The following TRABD2B variants were observed in gnomAD, a reference collection of about 807,000 sequenced individuals.
The protein encoded by TRABD2B is TraB domain containing 2B.
TRABD2B carries 14 observed loss-of-function variants against 40.1 expected under a neutral mutation model. The ratio of observed to expected loss-of-function variants is 0.35; its 90% CI spans 0.23 to 0.55. The LOEUF (loss-of-function observed/expected upper bound fraction) is 0.55. Among genes scored for constraint, TRABD2B ranks in the 20% least tolerant of loss-of-function variants. The probability of loss-of-function intolerance (pLI) is 0.90; values close to 1 mark genes in which losing one functional copy is unlikely to be tolerated. For missense variants in TRABD2B, 541 were observed against 648.6 expected (o/e 0.83, Z 1.80); for synonymous variants, 263 against 277.0 (o/e 0.95, Z 0.50).
intron 2 of TRABD2B, among the ~76,000 whole-genome samples, chr1:47,886,705 T>C (rs749781090): frequency 1.3e-5 from 2 of 152,176 alleles, no homozygotes; most frequent in African/African-American, 2.4e-5. Flanking sequence ...AAATATTATG[T>C]TTACTCACTG....
intron 2 of TRABD2B, among the ~76,000 whole-genome samples, chr1:47,853,143 G>A (rs948963819): frequency 1.3e-5 from 2 of 152,168 alleles, no homozygotes; most frequent in Non-Finnish European, 2.9e-5. Flanking sequence ...CTTGGTTGAT[G>A]CTAGGGCCGA....
intron 2 of TRABD2B, among the ~76,000 whole-genome samples, chr1:47,867,640 T>A (rs1644079373): frequency 6.6e-6 from 1 of 151,966 alleles, no homozygotes; most frequent in African/African-American, 2.4e-5. Context: ...ACATTTGGGG[T>A]TTTAATGGAT....
At chr1:47,841,928 T>C (rs1227977146) in intron 2 of TRABD2B, among the ~76,000 whole-genome samples, 1 of 151,846 alleles carries the variant, frequency 6.6e-6, no homozygotes, top group Non-Finnish European at 1.5e-5. Flanking sequence ...CCTGCCACCA[T>C]GCCTGGCTAA....
At chr1:47,925,749 T>G (rs1288604375) in intron 2 of TRABD2B, among the ~76,000 whole-genome samples, 1 of 152,254 alleles carries the variant, frequency 6.6e-6, no homozygotes, top group African/African-American at 2.4e-5. Context: ...AAGCATAGGC[T>G]AAGCAGTTTA....
At chr1:47,888,139 A>G (rs1644395547) in intron 2 of TRABD2B, among the ~76,000 whole-genome samples, 1 of 152,200 alleles carries the variant, frequency 6.6e-6, no homozygotes, top group East Asian at 1.9e-4. Flanking sequence ...TGGGGAGGCT[A>G]AAGTGTCTTC....
Position 47,994,014 on chromosome 1 carries a change from C to A in TRABD2B, c.666+20G>T, listed in dbSNP as rs1242772540. The A allele has an allele frequency of 6.5e-7, 1 of 1,526,952 alleles. No individual in the cohort carries two copies. The highest frequency in any genetic ancestry group is 2.0e-5 in the Admixed American group (1 of 50,608). 94.6% of individuals were successfully genotyped at this position (1,526,952 alleles called of 1,614,324 possible). A position where few individuals can be genotyped will look rare whatever the true frequency, so the allele number is the denominator to read the frequency against. Reference sequence around the variant, plus strand: ...GGTACCCAGGGCTGTCAGCTCCGGGCTGGGGCACTGCATGCCTACCTGGGA... The same window carrying A: ...GGTACCCAGGGCTGTCAGCTCCGGGATGGGGCACTGCATGCCTACCTGGGA... On this transcript the variant is annotated intron_variant, in intron 2 of 6. Coordinates refer to ENST00000606738, the MANE Select transcript of TRABD2B (RefSeq NM_001194986.2). The surrounding 1 kb of genome is among the most constrained non-coding windows in gnomAD (Gnocchi z 6.7).
At chr1:47,833,091 T>C (rs1645271932) in intron 2 of TRABD2B, among the ~76,000 whole-genome samples, 1 of 152,214 alleles carries the variant, frequency 6.6e-6, no homozygotes, top group Non-Finnish European at 1.5e-5. Flanking sequence ...AACTTGTATT[T>C]TAGCAAATCA....
intron 2 of TRABD2B, among the ~76,000 whole-genome samples, chr1:47,896,641 C>T (rs1013815224): frequency 1.1e-4 from 16 of 152,148 alleles, no homozygotes; most frequent in African/African-American, 2.4e-4. Context: ...GCTTGCCAGG[C>T]TATGTGTGAT....
At chr1:47,894,679 C>A (rs2124661809) in intron 2 of TRABD2B, among the ~76,000 whole-genome samples, 1 of 152,268 alleles carries the variant, frequency 6.6e-6, no homozygotes, top group South Asian at 2.1e-4. Context: ...TCAATTAGCA[C>A]CCCACCAGCA....
intron 2 of TRABD2B, among the ~76,000 whole-genome samples, chr1:47,846,475 A>C (rs553797152): frequency 2.6e-5 from 4 of 152,190 alleles, no homozygotes; most frequent in African/African-American, 9.6e-5. Context: ...GTATGACCAT[A>C]GCTGGGGCTG....
intron 2 of TRABD2B, among the ~76,000 whole-genome samples, chr1:47,935,536 A>G (rs1322947495): frequency 6.6e-6 from 1 of 152,248 alleles, no homozygotes; most frequent in Non-Finnish European, 1.5e-5. Flanking sequence ...TGCACTAAGT[A>G]GGTAATAAAA....
intron 2 of TRABD2B, among the ~76,000 whole-genome samples, chr1:47,864,658 T>C (rs1287507367): frequency 1.3e-5 from 2 of 152,148 alleles, no homozygotes; most frequent in South Asian, 2.1e-4. Flanking sequence ...GAGTTAACTT[T>C]TCCTTCTTCT....
chr1:47,862,252 A>C (rs1478916210), intron 2 of TRABD2B, among the ~76,000 whole-genome samples: 1 of 152,236 alleles, frequency 6.6e-6, no homozygotes, highest in East Asian at 1.9e-4. Flanking sequence ...TAATGTAATT[A>C]AGAAAATGAA....
intron 2 of TRABD2B, among the ~76,000 whole-genome samples, chr1:47,885,428 T>C (rs1049560010): frequency 1.3e-5 from 2 of 152,206 alleles, no homozygotes; most frequent in Admixed American, 6.5e-5. Flanking sequence ...CAAAGGGCTG[T>C]GTCTGCTTTT....
At position 47,945,427 on chromosome 1, in the gene TRABD2B, T is replaced by C. The variant is rs908077544; in HGVS notation, c.666+48607A>G. 1.8e-4 allele frequency among the ~76,000 whole-genome samples: 28 copies of C among 152,230 alleles called. 1 individual carries two copies. Among genetic ancestry groups the C allele is most frequent in the African/African-American group, 6.8e-4 (28 of 41,466 alleles). On this transcript the variant is annotated intron_variant, in intron 2 of 6. Coordinates refer to ENST00000606738, the MANE Select transcript of TRABD2B (RefSeq NM_001194986.2). ...GCTCTCAGAGCTTTCATGGTTTTCATTATTAAAAAATAATTTACATATAAT... is the reference window on the plus strand; with the variant it reads ...GCTCTCAGAGCTTTCATGGTTTTCACTATTAAAAAATAATTTACATATAAT...
intron 3 of TRABD2B, among the ~76,000 whole-genome samples, chr1:47,797,985 A>G (rs1199736264): frequency 6.6e-6 from 1 of 152,090 alleles, no homozygotes; most frequent in Non-Finnish European, 1.5e-5. Context: ...GACACCACCT[A>G]TCTAAACTCT....
At chr1:47,884,671 T>C (rs1325896196) in intron 2 of TRABD2B, among the ~76,000 whole-genome samples, 1 of 152,156 alleles carries the variant, frequency 6.6e-6, no homozygotes, top group East Asian at 1.9e-4. Context: ...TGGAGTGCAG[T>C]GTTGCGATCT....
intron 2 of TRABD2B, among the ~76,000 whole-genome samples, chr1:47,947,281 T>C (rs889155978): frequency 1.3e-5 from 2 of 152,172 alleles, no homozygotes; most frequent in Non-Finnish European, 2.9e-5. Context: ...TGTTAATCAC[T>C]GCAACTTTAT....
intron 2 of TRABD2B, among the ~76,000 whole-genome samples, chr1:47,889,783 C>T (rs1177133301): frequency 1.3e-5 from 2 of 152,332 alleles, no homozygotes; most frequent in African/African-American, 4.8e-5. Context: ...CCTGCCACTG[C>T]CCAGCTGGGC....
Sources: allele counts gnomAD v4.1 joint callset (sites outside exome capture counted in the v4.1 genomes callset), GRCh38; gene constraint gnomAD v4.1.1; non-coding constraint Gnocchi (gnomAD v3.1); transcripts MANE v1.5; gene names NCBI Gene and HGNC (gene_info 2026-07-23, HGNC 2026-07-21).